NT5DC3: variants seen among roughly 807,000 people sequenced by gnomAD.
The protein encoded by NT5DC3 is 5'-nucleotidase domain-containing protein 3.
Under a neutral mutation model 67.8 loss-of-function variants are expected in NT5DC3, and 42 were observed. That is an observed-to-expected ratio of 0.62 (90% CI 0.48 to 0.80). The LOEUF (loss-of-function observed/expected upper bound fraction) is 0.80, where lower values mean the gene tolerates loss of function less well. NT5DC3 is among the 30% of genes least tolerant of loss of function. NT5DC3 has a pLI of 0.00. For synonymous variants in NT5DC3, 237 were observed against 255.6 expected, an observed-to-expected ratio of 0.93 and a Z score of 0.69; for missense variants, 570 against 696.4, an observed-to-expected ratio of 0.82 and a Z score of 2.04.
chr12:103,780,290 C>T lies in NT5DC3; in HGVS notation c.1394+10G>A. ...GGTGGACGCGCACATTCAATACAGG[C>T]CTCTCTTACCGCATCTCCTTCCTTT... On this transcript the variant is annotated intron_variant, in intron 13 of 13. Coordinates refer to ENST00000392876, the MANE Select transcript of NT5DC3 (RefSeq NM_001031701.3). The T allele has an allele frequency of 6.2e-7, 1 of 1,612,110 alleles. No homozygotes were observed. Among genetic ancestry groups the T allele is most frequent in the South Asian group, 1.1e-5 (1 of 91,038 alleles).
the NT5DC3 span, chr12:103,753,356 G>A: frequency 6.2e-7 from 1 of 1,614,228 alleles, no homozygotes; most frequent in Non-Finnish European, 8.5e-7. Flanking sequence ...CCCAGAAGGT[G>A]GGTCTTCAGT....
At chr12:103,801,651 G>C (rs1006894730) in intron 4 of NT5DC3, among the ~76,000 whole-genome samples, 1 of 152,054 alleles carries the variant, frequency 6.6e-6, no homozygotes, top group Non-Finnish European at 1.5e-5. Context: ...AAAGTGCTGG[G>C]ATTACAGGCA....
intron 6 of NT5DC3, among the ~76,000 whole-genome samples, chr12:103,794,873 G>A (rs555175544): frequency 6.6e-6 from 1 of 152,342 alleles, no homozygotes; most frequent in East Asian, 1.9e-4. Flanking sequence ...TCAGGAGTAT[G>A]GCAGCATGAT....
In NT5DC3 at chr12:103,793,274, A is replaced by T. The variant is rs1886148064; in HGVS notation, c.918-9T>A. ...AACTCATCCCTTTGTCCCTAGGGCA[A>T]CAAGTCAGCCAGGTTAGTCTAACAT... On this transcript the variant is annotated splice_polypyrimidine_tract_variant and intron_variant, in intron 8 of 13. Coordinates refer to ENST00000392876, the MANE Select transcript of NT5DC3 (RefSeq NM_001031701.3). 6.3e-7 allele frequency: 1 copy of T among 1,599,504 alleles called. No homozygotes were observed. Among genetic ancestry groups the T allele is most frequent in the African/African-American group, 1.3e-5 (1 of 74,428 alleles).
chr12:103,840,224 A>G (rs1239516480), intron 1 of NT5DC3, among the ~76,000 whole-genome samples: 1 of 152,182 alleles, frequency 6.6e-6, no homozygotes, highest in African/African-American at 2.4e-5. Context: ...GGTATTTATT[A>G]GTTCATTAGT....
intron 13 of NT5DC3, among the ~76,000 whole-genome samples, chr12:103,779,532 A>T (rs954920): frequency 0.26 from 39,165 of 152,014 alleles, 5,657 homozygotes; most frequent in South Asian, 0.47. Context: ...GCTTCTGCAG[A>T]ATCTGAGGAA....
chr12:103,784,793 CTAACT>C (rs1232679351), intron 12 of NT5DC3, among the ~76,000 whole-genome samples: 5 of 152,188 alleles, frequency 3.3e-5, no homozygotes, highest in African/African-American at 7.2e-5. Context: ...AACTGGCTGC[CTAACT>C]TAACTTAAGG....
chr12:103,746,949 C>CTTTTTTTTT, the NT5DC3 span, among the ~76,000 whole-genome samples: 1 of 96,078 alleles, frequency 1.0e-5, no homozygotes, highest in Non-Finnish European at 2.1e-5. Context: ...GTTTTTCTTT[C>CTTTTTTTTT]TTTTTTTTTT....
chr12:103,762,549 G>A, the NT5DC3 span: 70 of 1,171,192 alleles, frequency 6.0e-5, no homozygotes, highest in South Asian at 3.7e-4. Context: ...CCCACCCCAC[G>A]CTTACTGCTG....
the NT5DC3 span, among the ~76,000 whole-genome samples, chr12:103,758,929 C>T: frequency 6.6e-6 from 1 of 152,178 alleles, no homozygotes; most frequent in Admixed American, 6.5e-5. Flanking sequence ...AAATGACATT[C>T]AATCCCCCAT....
chr12:103,767,213 T>A (rs1003890549), downstream of NT5DC3, among the ~76,000 whole-genome samples: 5 of 152,186 alleles, frequency 3.3e-5, no homozygotes, highest in African/African-American at 1.2e-4. Flanking sequence ...TAAATGAAGC[T>A]GTGGTATTCC....
chr12:103,754,039 G>A, the NT5DC3 span, among the ~76,000 whole-genome samples: 12 of 152,186 alleles, frequency 7.9e-5, no homozygotes, highest in African/African-American at 2.7e-4. Context: ...GTTCCAGGCT[G>A]GTGGTTTATC....
chr12:103,759,502 G>T, the NT5DC3 span, among the ~76,000 whole-genome samples: 2 of 152,204 alleles, frequency 1.3e-5, no homozygotes, highest in African/African-American at 2.4e-5. Context: ...GAAGGATAAT[G>T]AACCCATTTT....
chr12:103,761,647 G>C, the NT5DC3 span, among the ~76,000 whole-genome samples: 2 of 152,142 alleles, frequency 1.3e-5, no homozygotes, highest in Non-Finnish European at 2.9e-5. Flanking sequence ...TTGAATGAAA[G>C]GGGGAGGATG....
chr12:103,756,326 C>G, the NT5DC3 span, among the ~76,000 whole-genome samples: 2 of 152,184 alleles, frequency 1.3e-5, no homozygotes, highest in Non-Finnish European at 2.9e-5. Context: ...ATGACAACAA[C>G]AGTAATAACA....
intron 4 of NT5DC3, among the ~76,000 whole-genome samples, chr12:103,803,865 C>CCA (rs1410444262): frequency 1.6e-5 from 2 of 126,764 alleles, no homozygotes; most frequent in Non-Finnish European, 1.7e-5. Flanking sequence ...TACCACCCCC[C>CCA]CCCCAAAAAA....
the NT5DC3 span, chr12:103,763,608 G>A: frequency 9.5e-5 from 153 of 1,613,134 alleles, 1 homozygote; most frequent in Middle Eastern, 6.6e-4. Flanking sequence ...ACCCCTTCAC[G>A]GTGAGTTTGC....
chr12:103,810,290 C>T (rs1886976683), intron 2 of NT5DC3, among the ~76,000 whole-genome samples: 2 of 152,158 alleles, frequency 1.3e-5, no homozygotes, highest in Admixed American at 6.5e-5. Flanking sequence ...CAAAAACATC[C>T]TCGTGATTGG....
At chr12:103,791,819 A>G (rs779073675) in intron 9 of NT5DC3, among the ~76,000 whole-genome samples, 2 of 152,216 alleles carry the variant, frequency 1.3e-5, no homozygotes, top group Non-Finnish European at 2.9e-5. Context: ...TGAGCTGCAC[A>G]AGCAAGGGAT....
Sources: allele counts gnomAD v4.1 joint callset (sites outside exome capture counted in the v4.1 genomes callset), GRCh38; gene constraint gnomAD v4.1.1; transcripts MANE v1.5; gene names NCBI Gene and HGNC (gene_info 2026-07-23, HGNC 2026-07-21).